ALDH1L1: variants seen among roughly 807,000 people sequenced by gnomAD.
ALDH1L1 encodes the protein aldehyde dehydrogenase 1 family member L1, also known as cytosolic 10-formyltetrahydrofolate dehydrogenase.
Under a neutral mutation model 101.1 loss-of-function variants are expected in ALDH1L1, and 68 were observed. The observed-to-expected ratio is 0.67, with a 90% CI of 0.55 to 0.82. The LOEUF (loss-of-function observed/expected upper bound fraction) is 0.82. Among genes scored for constraint, ALDH1L1 ranks in the 40% least tolerant of loss-of-function variants. The probability of loss-of-function intolerance (pLI) is 0.00; values close to 1 mark genes in which losing one functional copy is unlikely to be tolerated. For synonymous variants in ALDH1L1, 486 were observed against 470.8 expected, an observed-to-expected ratio of 1.03 and a Z score of -0.42; for missense variants, 1,087 against 1,172.7, an observed-to-expected ratio of 0.93 and a Z score of 1.07.
At position 126,157,462 on chromosome 3, in the gene ALDH1L1, C is replaced by T. The variant is rs1409776824; in HGVS notation, c.409G>A (p.Ala137Thr). 8 of 1,614,092 alleles carry T rather than the reference C, an allele frequency of 5.0e-6. No individual in the cohort carries two copies. The highest frequency in any genetic ancestry group is 6.8e-6 in the Non-Finnish European group (8 of 1,180,018). The change falls in exon 4 of 23, where the codon GCG becomes ACG. Residue 137 changes from alanine (A) to threonine (T), a missense_variant. Physicochemically the swap from Ala to Thr is moderately conservative, Grantham distance 58. Transcript: ENST00000393434. ...DKKGGFSIFWADDGLDTGDLL... is the reference protein window; with the variant it reads ...DKKGGFSIFWTDDGLDTGDLL... ...TCTCCGGTGTCCAGACCATCATCCG[C>T]CCAGAAGATGGAAAACCCCCCTTTC...
intron 20 of ALDH1L1, among the ~76,000 whole-genome samples, chr3:126,107,541 A>G (rs1013375482): frequency 1.3e-5 from 2 of 152,276 alleles, no homozygotes; most frequent in Non-Finnish European, 2.9e-5. Flanking sequence ...TCCTAGTGCC[A>G]GAACCCATGG....
chr3:126,188,549 C>A (rs35331719), intron 1 of ALDH1L1, among the ~76,000 whole-genome samples: 53,995 of 152,022 alleles, frequency 0.36, 10,344 homozygotes, highest in Middle Eastern at 0.49. Flanking sequence ...TTTAATTTAA[C>A]AACCCCTTCC....
At chr3:126,133,773 C>A (rs2080361919) in intron 12 of ALDH1L1, among the ~76,000 whole-genome samples, 1 of 152,214 alleles carries the variant, frequency 6.6e-6, no homozygotes, top group Non-Finnish European at 1.5e-5. Flanking sequence ...GGGTGCCCAG[C>A]AGGCTCGGCC....
At position 126,112,953 on chromosome 3, in the gene ALDH1L1, A is replaced by G. The variant is rs902140672; in HGVS notation, c.2083-73T>C. Reference sequence around the variant, plus strand: ...CCAGCCCCCGGCTCTGCCAGGGCCCAGCCGCCTCTTCTAATTAGGAAAGGA... The same window carrying G: ...CCAGCCCCCGGCTCTGCCAGGGCCCGGCCGCCTCTTCTAATTAGGAAAGGA... On this transcript the variant is annotated intron_variant, in intron 18 of 22. Transcript: ENST00000393434. 86 of 1,400,898 alleles carry G rather than the reference A, an allele frequency of 6.1e-5. No individual in the cohort carries two copies. In the African/African-American group the frequency reaches 7.9e-4, roughly 13 times the overall value. 86.8% of individuals were successfully genotyped at this position (1,400,898 alleles called of 1,614,324 possible).
rs201592037 is a variant in ALDH1L1 at position 126,109,961 on chromosome 3, T to C, written c.2330A>G (p.Asn777Ser). The C allele has an allele frequency of 1.2e-6, 2 of 1,614,044 alleles. No homozygotes were observed. The highest frequency in any genetic ancestry group is 1.7e-6 in the Non-Finnish European group (2 of 1,179,990). ...TGACTCACCTGGCCGAGGGACCTGATTCCCGCCGCAGACCAGTGTGGCCCC... is the reference window on the plus strand; with the variant it reads ...TGACTCACCTGGCCGAGGGACCTGACTCCCGCCGCAGACCAGTGTGGCCCC... ...KEGATLVCGG[N>S]QVPRPGFFFE... Residue 777 changes from asparagine to serine, a missense_variant, in exon 20 of 23, where the codon AAT (asparagine) becomes AGT (serine). Around this residue, in one of 2 missense-constraint regions of ALDH1L1, gnomAD observed 442 missense variants for 535.7 expected, o/e 0.83. Transcript: ENST00000393434.
At chr3:126,176,473 A>G (rs2081366096) in intron 1 of ALDH1L1, among the ~76,000 whole-genome samples, 1 of 152,262 alleles carries the variant, frequency 6.6e-6, no homozygotes, top group Non-Finnish European at 1.5e-5. Flanking sequence ...TATTGGCAAA[A>G]GAATAGTCAG....
Position 126,117,421 on chromosome 3 carries a change from G to A in ALDH1L1, c.1982+584C>T, listed in dbSNP as rs189429941. Among the ~76,000 whole-genome samples the A allele has an allele frequency of 5.6e-4, 85 of 152,018 alleles. No homozygotes were observed. The East Asian group carries it at 0.012, about 22-fold the overall frequency. ...CATCCCAGCACGGAGATGGGAGGCC[G>A]AGTCAGGTGGATTGCTTGAGCCCAG... On this transcript the variant is annotated intron_variant, in intron 17 of 22. Transcript: ENST00000393434.
chr3:126,125,757 C>T (rs781066482), intron 14 of ALDH1L1, 36 bp from the exon 15 acceptor site: 6 of 1,446,276 alleles, frequency 4.1e-6, no homozygotes, highest in Non-Finnish European at 5.6e-6. Context: ...TGTCCTTCTT[C>T]TCCACCAGGC....
chr3:126,138,465 C>G (rs913765902), intron 9 of ALDH1L1, among the ~76,000 whole-genome samples: 8 of 152,038 alleles, frequency 5.3e-5, no homozygotes, highest in Non-Finnish European at 8.8e-5. Context: ...TAAAAATGAG[C>G]AAAAGATTGA....
rs369290026 is a variant in ALDH1L1 at position 126,127,229 on chromosome 3, C to T, written c.1695-1508G>A. Among the ~76,000 whole-genome samples, 37 of 152,302 alleles carry T rather than the reference C, an allele frequency of 2.4e-4. 1 individual carries two copies. The East Asian group carries it at 2.7e-3, about 11-fold the overall frequency. On this transcript the variant is annotated intron_variant, in intron 14 of 22. Transcript: ENST00000393434. Reference sequence around the variant, plus strand: ...GGAGTGTGCAGAGCTGGCCCTGGCACGGGGTCAAAGGAGCAGGGCTGCAGG... The same window carrying T: ...GGAGTGTGCAGAGCTGGCCCTGGCATGGGGTCAAAGGAGCAGGGCTGCAGG...
chr3:126,181,329 C>T (rs1422331083), upstream of ALDH1L1: 1 of 391,482 alleles, frequency 2.6e-6, no homozygotes, highest in Non-Finnish European at 4.9e-6. Context: ...CCCTTCCCAC[C>T]ACACCTGCGG....
At chr3:126,118,458 A>T (rs2080017972) in intron 16 of ALDH1L1, among the ~76,000 whole-genome samples, 1 of 152,152 alleles carries the variant, frequency 6.6e-6, no homozygotes, top group Non-Finnish European at 1.5e-5. Flanking sequence ...CCATGCGAGG[A>T]CATAGAGGGT....
At chr3:126,180,399 C>T (rs1299978246) in intron 1 of ALDH1L1, 77 bp downstream of exon 1, 1 of 961,860 alleles carries the variant, frequency 1.0e-6, no homozygotes, top group Non-Finnish European at 1.2e-6. Flanking sequence ...CTGGAGCCCC[C>T]GGAGCCCCCG....
intron 2 of ALDH1L1, chr3:126,159,296 C>T: frequency 2.5e-6 from 1 of 394,032 alleles, no homozygotes. Context: ...TGCCCCGTCA[C>T]CAGCACACCC....
intron 1 of ALDH1L1, among the ~76,000 whole-genome samples, chr3:126,168,914 G>A (rs1477068336): frequency 6.6e-6 from 1 of 152,068 alleles, no homozygotes; most frequent in Non-Finnish European, 1.5e-5. Context: ...TTTGTCAATT[G>A]TGTTTCTAAC....
At chr3:126,153,202 C>T (rs2080838689) in intron 7 of ALDH1L1, 1 of 568,596 alleles carries the variant, frequency 1.8e-6, no homozygotes, top group East Asian at 3.3e-5. Flanking sequence ...GAGATGGGTG[C>T]CTAGCCAGGA....
rs1333567353 is a variant in ALDH1L1 at position 126,146,930 on chromosome 3, C to G, written c.985-4G>C. ...GGAGGATCCGCTGCCAAACACTCTG[C>G]AAAGCAAGACCTGATGAGAGGCTGG... On this transcript the variant is annotated splice_polypyrimidine_tract_variant and splice_region_variant and intron_variant, in intron 8 of 22. Transcript: ENST00000393434. 1 of 1,613,036 alleles carries G rather than the reference C, an allele frequency of 6.2e-7. No individual in the cohort carries two copies. Among genetic ancestry groups the G allele is most frequent in the Admixed American group, 1.7e-5 (1 of 59,940 alleles).
intron 16 of ALDH1L1, among the ~76,000 whole-genome samples, chr3:126,122,689 T>A (rs937155833): frequency 6.6e-6 from 1 of 152,214 alleles, no homozygotes; most frequent in African/African-American, 2.4e-5. Flanking sequence ...AGGGAGAAGA[T>A]AACAGACCTA....
intron 1 of ALDH1L1, among the ~76,000 whole-genome samples, chr3:126,195,586 A>G (rs918483397): frequency 6.6e-6 from 1 of 152,220 alleles, no homozygotes; most frequent in African/African-American, 2.4e-5. Context: ...TAGAAATACC[A>G]TTTGACCCAG....
Sources: gnomAD v4.1 joint callset for allele counts (sites outside exome capture counted in the v4.1 genomes callset) on GRCh38, gnomAD v4.1.1 for gene constraint, gnomAD v4.1.1 regional missense constraint, MANE v1.5 for transcripts, NCBI Gene and HGNC (gene_info 2026-07-23, HGNC 2026-07-21) for gene names.